DSG1: variants seen among roughly 807,000 people sequenced by gnomAD.
DSG1 encodes the protein desmoglein 1.
DSG1 carries 39 observed loss-of-function variants against 97.5 expected under a neutral mutation model. That is an observed-to-expected ratio of 0.40 (90% CI 0.31 to 0.52). The LOEUF is 0.52. DSG1 is among the 20% of genes least tolerant of loss of function. DSG1 has a pLI of 0.53. For missense variants in DSG1, 1,311 were observed against 1,295.4 expected (o/e 1.01, Z -0.18); for synonymous variants, 475 against 443.4 (o/e 1.07, Z -0.90).
Position 31,344,099 on chromosome 18 carries a change from T to C in DSG1, c.1891+104T>C. 4 of 849,884 alleles carry C rather than the reference T, an allele frequency of 4.7e-6. No individual in the cohort carries two copies. The East Asian group carries it at 1.1e-4, about 23-fold the overall frequency. The allele number at this position is 849,884 out of a possible 1,614,324, so 52.6% of individuals were successfully genotyped here. ...ATTATCTTATTTTTCTTCAAAAGTGTTTATATCATTCTTTTTTAAATGACT... is the reference window on the plus strand; with the variant it reads ...ATTATCTTATTTTTCTTCAAAAGTGCTTATATCATTCTTTTTTAAATGACT... On this transcript the variant is annotated intron_variant, in intron 13 of 14. Coordinates refer to ENST00000257192, the MANE Select transcript of DSG1 (RefSeq NM_001942.4).
rs764877346 is a variant in DSG1, at chr18:31,328,152, G to A, written c.217-37G>A. 5 of 1,610,256 alleles carry A rather than the reference G, an allele frequency of 3.1e-6. No homozygotes were observed. The African/African-American group carries it at 6.7e-5, about 22-fold the overall frequency. ...GTATATCAAATATAGAACTCTATTT[G>A]CTCCCTCTAATATTTTTACTTGTGT... On this transcript the variant is annotated intron_variant, in intron 3 of 14. Transcript: ENST00000257192.
intron 4 of DSG1, among the ~76,000 whole-genome samples, chr18:31,328,791 G>A (rs1039717051): frequency 2.6e-5 from 4 of 152,044 alleles, no homozygotes; most frequent in African/African-American, 9.7e-5. Context: ...TGATTCTAGA[G>A]CTACTGCAGG....
chr18:31,345,958 GA>G, intron 13 of DSG1, 31 bp from the exon 14 acceptor site: 1 of 1,580,532 alleles, frequency 6.3e-7, no homozygotes, highest in African/African-American at 1.4e-5. Context: ...ATAGACTAAA[GA>G]AAATAAATTT....
intron 1 of DSG1, among the ~76,000 whole-genome samples, chr18:31,322,911 T>G (rs1055530985): frequency 6.6e-6 from 1 of 152,186 alleles, no homozygotes; most frequent in African/African-American, 2.4e-5. Context: ...AAAATTACTG[T>G]AATTGGGGAT....
At chr18:31,341,545 G>GTTC (rs936292863) in intron 11 of DSG1, among the ~76,000 whole-genome samples, 5 of 152,056 alleles carry the variant, frequency 3.3e-5, no homozygotes, top group East Asian at 3.9e-4. Context: ...AATTTAAAAC[G>GTTC]TATTTCCAAA....
Position 31,343,578 on chromosome 18 carries a change from C to T in DSG1, c.1816C>T (p.Pro606Ser). Residue 606 changes from proline (P) to serine (S), a missense_variant, in exon 12 of 15, where the codon CCC becomes TCC. Physicochemically the swap from Pro to Ser is moderately conservative, Grantham distance 74 (BLOSUM62 -1). This residue lies in a region of DSG1 where 1,038 missense variants were observed against 964.6 expected (regional missense o/e 1.08). Transcript: ENST00000257192. Reference protein sequence around the residue: ...SWAVEGPQPEPRDITTVIPQI... With the variant: ...SWAVEGPQPESRDITTVIPQI... ...GGCAGTAGAAGGACCACAGCCTGAA[C>T]CCAGGGTAAGTGCCACATTCTAAGA... 6.2e-7 allele frequency: 1 copy of T among 1,614,088 alleles called. No individual in the cohort carries two copies. Among genetic ancestry groups the T allele is most frequent in the Non-Finnish European group, 8.5e-7 (1 of 1,180,008 alleles).
intron 11 of DSG1, among the ~76,000 whole-genome samples, chr18:31,341,923 C>CTTTTGTTT (rs928894611): frequency 1.4e-5 from 2 of 144,216 alleles, no homozygotes; most frequent in African/African-American, 5.1e-5. Context: ...TTTTTTTGTT[C>CTTTTGTTT]TTTTGTTTTT....
intron 14 of DSG1, 119 bp downstream of exon 14, chr18:31,346,317 A>G: frequency 1.2e-6 from 1 of 850,154 alleles, no homozygotes; most frequent in Non-Finnish European, 2.0e-6. Flanking sequence ...CTCAGCCTTT[A>G]GTTTTTGTGC....
At position 31,354,372 on chromosome 18, in the gene DSG1, G is replaced by A. The variant is rs1324667386; in HGVS notation, c.2176G>A (p.Val726Ile). The change falls in exon 15 of 15, where the codon GTA becomes ATA. Residue 726 changes from valine (V) to isoleucine (I), a missense_variant. By Grantham distance (29) the Val-to-Ile change is conservative. This residue lies in a region of DSG1 where 1,038 missense variants were observed against 964.6 expected (regional missense o/e 1.08). Transcript: ENST00000257192. ...DCLLIYDIEG[V>I]GSPAGSVGCC... ...TTTGCTCATATATGACATCGAAGGTGTAGGTTCCCCTGCTGGCTCTGTGGG... is the reference window on the plus strand; with the variant it reads ...TTTGCTCATATATGACATCGAAGGTATAGGTTCCCCTGCTGGCTCTGTGGG... The A allele has an allele frequency of 6.2e-7, 1 of 1,614,228 alleles. No homozygotes were observed. The highest frequency in any genetic ancestry group is 8.5e-7 in the Non-Finnish European group (1 of 1,180,032).
chr18:31,338,238 A>G, intron 9 of DSG1, 77 bp from the exon 10 acceptor site: 1 of 1,448,962 alleles, frequency 6.9e-7, no homozygotes, highest in Non-Finnish European at 9.4e-7. Context: ...CTCACTGAAA[A>G]AAACAATACA....
At position 31,357,617 on chromosome 18, in the gene DSG1, C is replaced by G. The variant is rs982440624; in HGVS notation, c.*2271C>G. ...CACTGTCTTTAATAACTGTTGCTGT[C>G]AAAATCCATTGGTTGTTAAGATCCC... On this transcript the variant is annotated 3_prime_UTR_variant, in exon 15 of 15. Transcript: ENST00000257192. Among the ~76,000 whole-genome samples the G allele has an allele frequency of 5.9e-5, 9 of 151,836 alleles. No homozygotes were observed. Among genetic ancestry groups the G allele is most frequent in the African/African-American group, 2.2e-4 (9 of 41,378 alleles).
At chr18:31,320,908 C>G (rs2071649554) in intron 1 of DSG1, among the ~76,000 whole-genome samples, 1 of 152,070 alleles carries the variant, frequency 6.6e-6, no homozygotes, top group Non-Finnish European at 1.5e-5. Flanking sequence ...GCAACTTTGC[C>G]AGGTCCAATT....
Position 31,318,321 on chromosome 18 carries a change from A to G in DSG1, c.21A>G (p.Arg7=), listed in dbSNP as rs1289681421. ...CAGAGATGGACTGGAGTTTCTTCAGAGTAGTTGCAATGCTGTTCATTTTTC... is the reference window on the plus strand; with the variant it reads ...CAGAGATGGACTGGAGTTTCTTCAGGGTAGTTGCAATGCTGTTCATTTTTC... MDWSFF[R]VVAMLFIFLV... Residue 7 remains arginine, a synonymous_variant, in exon 1 of 15, where the codon AGA becomes AGG. Coordinates refer to ENST00000257192, the MANE Select transcript of DSG1 (RefSeq NM_001942.4). 1 of 1,613,624 alleles carries G rather than the reference A, an allele frequency of 6.2e-7. No homozygotes were observed. The highest frequency in any genetic ancestry group is 1.1e-5 in the South Asian group (1 of 91,068).
At chr18:31,348,441 G>A (rs1301310281) in intron 14 of DSG1, among the ~76,000 whole-genome samples, 2 of 151,694 alleles carry the variant, frequency 1.3e-5, no homozygotes, top group Non-Finnish European at 2.9e-5. Context: ...GTGTGCATGT[G>A]TCTTTATAGC....
chr18:31,346,234 A>G lies in DSG1; in HGVS notation c.2100+36A>G, dbSNP rs778821589. ...TAGCCACATGCCTTTCTCGCCATCC[A>G]TGTGCCTGCTGCTCTTCACCAAGCT... is the stretch of plus-strand genomic sequence containing the variant. On this transcript the variant is annotated intron_variant, in intron 14 of 14. Coordinates refer to ENST00000257192, the MANE Select transcript of DSG1 (RefSeq NM_001942.4). 2.0e-5 allele frequency: 31 copies of G among 1,534,010 alleles called. 1 individual carries two copies. In the East Asian group the frequency reaches 6.5e-4, roughly 32 times the overall value.
chr18:31,321,291 C>T (rs1017066526), intron 1 of DSG1, among the ~76,000 whole-genome samples: 2 of 151,948 alleles, frequency 1.3e-5, no homozygotes, highest in African/African-American at 4.8e-5. Flanking sequence ...TCTTAAGTCC[C>T]CAAAATTGTG....
chr18:31,339,881 T>A lies in DSG1; in HGVS notation c.1543T>A (p.Tyr515Asn). The A allele has an allele frequency of 6.2e-7, 1 of 1,614,154 alleles. No homozygotes were observed. Among genetic ancestry groups the A allele is most frequent in the Non-Finnish European group, 8.5e-7 (1 of 1,180,000 alleles). ...ACAAGAAAGTACTTCTTCCACTAACTATGATACCAGCACAACTTCTACTGA... is the reference window on the plus strand; with the variant it reads ...ACAAGAAAGTACTTCTTCCACTAACAATGATACCAGCACAACTTCTACTGA... ...GRQESTSSTNYDTSTTSTDSS... is the reference protein window; with the variant it reads ...GRQESTSSTNNDTSTTSTDSS... Residue 515 changes from tyrosine (Y) to asparagine (N), a missense_variant, in exon 11 of 15, where the codon TAT becomes AAT. Around this residue, in one of 3 missense-constraint regions of DSG1, gnomAD observed 1,038 missense variants for 964.6 expected, o/e 1.08. Transcript: ENST00000257192.
At chr18:31,347,335 C>T (rs73408359) in intron 14 of DSG1, among the ~76,000 whole-genome samples, 13,895 of 151,978 alleles carry the variant, frequency 0.091, 839 homozygotes, top group African/African-American at 0.18. Flanking sequence ...TATCAGAGAC[C>T]CCTTCCTTGA....
intron 14 of DSG1, among the ~76,000 whole-genome samples, chr18:31,348,405 T>G (rs2071861759): frequency 6.6e-6 from 1 of 152,014 alleles, no homozygotes; most frequent in South Asian, 2.1e-4. Flanking sequence ...TCTTTGCTAT[T>G]GTGAATAATG....
Sources: gnomAD v4.1 joint callset for allele counts (sites outside exome capture counted in the v4.1 genomes callset) on GRCh38, gnomAD v4.1.1 for gene constraint, gnomAD v4.1.1 regional missense constraint, MANE v1.5 for transcripts, NCBI Gene and HGNC (gene_info 2026-07-23, HGNC 2026-07-21) for gene names.